Variants in MXRA5 observed in about 807,000 individuals in gnomAD.
The protein encoded by MXRA5 is matrix remodeling associated 5, also known as matrix-remodeling-associated protein 5.
In MXRA5, 41 loss-of-function variants were observed where a neutral mutation model predicts 112.5. The ratio of observed to expected loss-of-function variants is 0.36; its 90% CI spans 0.28 to 0.47. The LOEUF (loss-of-function observed/expected upper bound fraction) is 0.47, where lower values mean the gene tolerates loss of function less well. Ranked by LOEUF, MXRA5 falls within the 20% of genes least tolerant of loss-of-function variation. MXRA5 has a pLI of 0.99. For synonymous variants in MXRA5, 862 were observed against 900.8 expected, an observed-to-expected ratio of 0.96 and a Z score of 0.77; for missense variants, 2,150 against 2,251.0, an observed-to-expected ratio of 0.96 and a Z score of 0.91.
intron 6 of MXRA5, among the ~76,000 whole-genome samples, chrX:3,312,586 G>T: frequency 1.0e-5 from 1 of 98,860 alleles, no homozygotes. Context: ...TTTAAGAACT[G>T]AGATCTTGTT....
intron 6 of MXRA5, among the ~76,000 whole-genome samples, chrX:3,315,402 TA>T (rs1921086972): frequency 1.3e-4 from 5 of 37,373 alleles, no homozygotes; most frequent in African/African-American, 2.3e-4. Flanking sequence ...GATAGATAGA[TA>T]GATAGATAGA....
At chrX:3,345,105 C>T in intron 1 of MXRA5, among the ~76,000 whole-genome samples, 1 of 111,780 alleles carries the variant, frequency 8.9e-6, no homozygotes, top group East Asian at 2.8e-4. Flanking sequence ...TGCACCCCAG[C>T]CTGGGCAACA....
rs1031309189 is a variant in MXRA5 at position 3,324,134 on chromosome X, A to T, written c.1551T>A (p.Asp517Glu). ...CCATGGGCGCTTTCAGGATGGAGCCATCTGGAAGCACCCAGAAGATAGATG... is the reference window on the plus strand; with the variant it reads ...CCATGGGCGCTTTCAGGATGGAGCCTTCTGGAAGCACCCAGAAGATAGATG... ...ESPSIFWVLP[D>E]GSILKAPMDD... The change falls in exon 5 of 7, where the codon GAT becomes GAA. Residue 517 changes from aspartate to glutamate, a missense_variant. Asp to Glu is a conservative substitution (Grantham distance 45, BLOSUM62 2). Coordinates refer to ENST00000217939, the MANE Select transcript of MXRA5 (RefSeq NM_015419.4). The T allele has an allele frequency of 8.3e-7, 1 of 1,209,506 alleles. No homozygotes were observed. The highest frequency in any genetic ancestry group is 1.1e-6 in the Non-Finnish European group (1 of 895,129).
intron 5 of MXRA5, among the ~76,000 whole-genome samples, chrX:3,318,865 T>TAA (rs201972814): frequency 1.5e-4 from 8 of 54,006 alleles, no homozygotes; most frequent in African/African-American, 4.3e-4. Flanking sequence ...TTCTTTTTCT[T>TAA]TAAAAAAAAA....
In MXRA5 at chrX:3,330,675, T is replaced by A; in HGVS notation, c.287A>T (p.Asp96Val). 1 of 1,209,895 alleles carries A rather than the reference T, an allele frequency of 8.3e-7. No individual in the cohort carries two copies. Among genetic ancestry groups the A allele is most frequent in the Non-Finnish European group, 1.1e-6 (1 of 894,411 alleles). The change falls in exon 3 of 7, where the codon GAT becomes GTT. Residue 96 changes from aspartate to valine, a missense_variant. Asp to Val is a radical substitution (Grantham distance 152). Coordinates refer to ENST00000217939, the MANE Select transcript of MXRA5 (RefSeq NM_015419.4). Reference protein sequence around the residue: ...IHGNEIPSIPDGALRDLSSLQ... With the variant: ...IHGNEIPSIPVGALRDLSSLQ... ...AGAGCTGAGGTCTCTTAAAGCTCCATCGGGGATGCTTGGGATCTCATTGCC... is the reference window on the plus strand; with the variant it reads ...AGAGCTGAGGTCTCTTAAAGCTCCAACGGGGATGCTTGGGATCTCATTGCC...
chrX:3,338,581 A>G (rs1324620820), intron 2 of MXRA5, among the ~76,000 whole-genome samples: 1 of 111,458 alleles, frequency 9.0e-6, no homozygotes, highest in Non-Finnish European at 1.9e-5. Context: ...ATAGGTAGGT[A>G]GATAGATTAT....
chrX:3,341,104 A>ATTATATTATG (rs373234136), intron 2 of MXRA5, among the ~76,000 whole-genome samples: 1 of 31,924 alleles, frequency 3.1e-5, no homozygotes, highest in Non-Finnish European at 5.5e-5. Context: ...GTTATACATA[A>ATTATATTATG]TATAATATAA....
intron 1 of MXRA5, among the ~76,000 whole-genome samples, chrX:3,344,302 GA>G (rs1031613441): frequency 8.9e-6 from 1 of 112,097 alleles, no homozygotes; most frequent in African/African-American, 3.2e-5. Context: ...AACTTCCCAA[GA>G]AGTGTTTATT....
At chrX:3,315,383 TAGATAGATGATA>T (rs1569181325) in intron 6 of MXRA5, among the ~76,000 whole-genome samples, 1,460 of 41,726 alleles carry the variant, frequency 0.035, 231 homozygotes, top group African/African-American at 0.16. Context: ...AATAGATAGA[TAGATAGATGATA>T]GATAGATAGA....
At chrX:3,329,427 GGGAA>G (rs1352300310) in intron 4 of MXRA5, among the ~76,000 whole-genome samples, 2 of 78,733 alleles carry the variant, frequency 2.5e-5, no homozygotes, top group East Asian at 7.7e-4. Context: ...GAAGGAAGGA[GGGAA>G]GGAAGGAAGG....
rs1440994583 is a variant in MXRA5 at position 3,321,096 on chromosome X, A to G, written c.4589T>C (p.Phe1530Ser). 8.3e-6 allele frequency: 10 copies of G among 1,211,534 alleles called. No individual in the cohort carries two copies. Among genetic ancestry groups the G allele is most frequent in the Non-Finnish European group, 8.9e-6 (8 of 895,196 alleles). ...QASRDSKENV[F>S]LNYVGNPETE... ...TTCTGGATTCCCCACATAATTCAAG[A>G]AAACATTTTCCTTGGAATCTCTAGA... Residue 1530 changes from phenylalanine (F) to serine (S), a missense_variant, in exon 5 of 7, where the codon TTC (phenylalanine) becomes TCC (serine). By Grantham distance (155) the Phe-to-Ser change is radical (BLOSUM62 -2). This residue lies in a region of MXRA5 where 1,485 missense variants were observed against 1,471.6 expected (regional missense o/e 1.01). Transcript: ENST00000217939.
intron 6 of MXRA5, among the ~76,000 whole-genome samples, chrX:3,315,078 A>G (rs111650619): frequency 0.03 from 3,207 of 107,368 alleles, 125 homozygotes; most frequent in African/African-American, 0.1. Context: ...AGCCGTAGTA[A>G]CATTTAAGGC....
Position 3,341,030 on chromosome X carries a change from T to TTATACATAATATAATATAATATATTATAC in MXRA5, c.188+2615_188+2616insGTATAATATATTATATTATATTATGTATA, listed in dbSNP as rs1569188282. Among the ~76,000 whole-genome samples, 164 of 77,564 alleles carry TTATACATAATATAATATAATATATTATAC rather than the reference T, an allele frequency of 2.1e-3. 1 individual carries two copies. Among genetic ancestry groups the TTATACATAATATAATATAATATATTATAC allele is most frequent in the Non-Finnish European group, 3.6e-3 (153 of 42,922 alleles). 67.4% of individuals were successfully genotyped at this position (77,564 alleles called of 115,157 possible). A position where few individuals can be genotyped will look rare whatever the true frequency, so the allele number is the denominator to read the frequency against. ...TATATTATACATGATATATATAATG[T>TTATACATAATATAATATAATATATTATAC]ATAATATATATTGTGTATAATATAT... is the stretch of plus-strand genomic sequence containing the variant. On this transcript the variant is annotated intron_variant, in intron 2 of 6. Transcript: ENST00000217939.
At chrX:3,341,027 ATGTATAATATATATTG>A (rs1216593166) in intron 2 of MXRA5, among the ~76,000 whole-genome samples, 1 of 78,741 alleles carries the variant, frequency 1.3e-5, no homozygotes, top group Non-Finnish European at 2.3e-5. Flanking sequence ...GATATATATA[ATGTATAATATATATTG>A]TGTATAATAT....
At position 3,320,364 on chromosome X, in the gene MXRA5, G is replaced by A; in HGVS notation, c.5321C>T (p.Ser1774Phe). 8.3e-7 allele frequency: 1 copy of A among 1,211,860 alleles called. No individual in the cohort carries two copies. The highest frequency in any genetic ancestry group is 1.8e-5 in the South Asian group (1 of 56,984). The change falls in exon 5 of 7, where the codon TCC becomes TTC. Residue 1774 changes from serine to phenylalanine, a missense_variant. By Grantham distance (155) the Ser-to-Phe change is radical. Around this residue, in one of 6 missense-constraint regions of MXRA5, gnomAD observed 1,485 missense variants for 1,471.6 expected, o/e 1.01. Coordinates refer to ENST00000217939, the MANE Select transcript of MXRA5 (RefSeq NM_015419.4). ...AAAGTCCAGATGGAAGGTGCTATGG[G>A]AATGTATCCTGTTGTAGGAACCTGG... ...VIPGSYNRIH[S>F]HSTFHLDFGP...
intron 2 of MXRA5, among the ~76,000 whole-genome samples, chrX:3,339,063 C>T (rs1294112189): frequency 9.0e-6 from 1 of 110,505 alleles, no homozygotes; most frequent in East Asian, 2.9e-4. Flanking sequence ...CAAATTTAAC[C>T]TGAGAATTTT....
At chrX:3,344,120 T>C (rs1019026973) in intron 1 of MXRA5, among the ~76,000 whole-genome samples, 9 of 109,428 alleles carry the variant, frequency 8.2e-5, no homozygotes, top group Non-Finnish European at 1.5e-4. Flanking sequence ...GAAATCTATC[T>C]TGCACTCTGT....
chrX:3,339,792 G>A (rs1204074621), intron 2 of MXRA5, among the ~76,000 whole-genome samples: 2 of 112,089 alleles, frequency 1.8e-5, no homozygotes, highest in East Asian at 5.6e-4. Flanking sequence ...TCTAACTGGA[G>A]ACTGGGATGA....
At chrX:3,317,078 C>T in intron 6 of MXRA5, 25 bp downstream of exon 6, 1 of 1,116,422 alleles carries the variant, frequency 9.0e-7, no homozygotes, top group Non-Finnish European at 1.2e-6. Flanking sequence ...CAGCGATTTA[C>T]AGGAAGCCAC....
Sources: allele counts gnomAD v4.1 joint callset (sites outside exome capture counted in the v4.1 genomes callset), GRCh38; gene constraint gnomAD v4.1.1; regional missense constraint gnomAD v4.1.1; transcripts MANE v1.5; gene names NCBI Gene and HGNC (gene_info 2026-07-23, HGNC 2026-07-21).